SPOCK1: variants seen among roughly 807,000 people sequenced by gnomAD.
SPOCK1 encodes the protein SPARC (osteonectin), cwcv and kazal like domains proteoglycan 1.
In SPOCK1, 23 loss-of-function variants were observed where a neutral mutation model predicts 55.3. The ratio of observed to expected loss-of-function variants is 0.42; its 90% CI spans 0.30 to 0.59. SPOCK1 has a LOEUF of 0.59. Ranked by LOEUF, SPOCK1 falls within the 20% of genes least tolerant of loss-of-function variation. The pLI is 0.22. For missense variants in SPOCK1, 499 were observed against 552.5 expected (o/e 0.90, Z 0.97); for synonymous variants, 226 against 221.0 (o/e 1.02, Z -0.20).
intron 2 of SPOCK1, among the ~76,000 whole-genome samples, 192 bp from the exon 3 acceptor site, chr5:137,267,247 A>G (rs1315784975): frequency 6.6e-6 from 1 of 152,248 alleles, no homozygotes; most frequent in Non-Finnish European, 1.5e-5. Context: ...CTGTCTTTCA[A>G]ACCGTATGTA....
At chr5:137,245,788 A>AAC (rs1554072141) in intron 3 of SPOCK1, among the ~76,000 whole-genome samples, 2 of 96,048 alleles carry the variant, frequency 2.1e-5, no homozygotes, top group Admixed American at 9.7e-5. Context: ...AAAAAAAAAC[A>AAC]AAAAAAAAAA....
intron 5 of SPOCK1, among the ~76,000 whole-genome samples, chr5:137,095,650 G>A (rs2127021932): frequency 1.3e-5 from 2 of 152,344 alleles, no homozygotes; most frequent in Middle Eastern, 6.8e-3. Flanking sequence ...AGGCCCACCA[G>A]CACTGCTCCT....
chr5:137,379,874 C>G (rs1751422014), intron 2 of SPOCK1, among the ~76,000 whole-genome samples: 1 of 152,172 alleles, frequency 6.6e-6, no homozygotes, highest in Non-Finnish European at 1.5e-5. Context: ...GTCATTCAGA[C>G]CTTAGGGGTG....
At chr5:137,111,514 C>A (rs958473147) in intron 5 of SPOCK1, among the ~76,000 whole-genome samples, 1 of 152,128 alleles carries the variant, frequency 6.6e-6, no homozygotes, top group African/African-American at 2.4e-5. Flanking sequence ...GTTAGTCTAG[C>A]AATGTTAGAT....
chr5:137,362,162 C>T (rs967375042), intron 2 of SPOCK1, among the ~76,000 whole-genome samples: 1 of 152,148 alleles, frequency 6.6e-6, no homozygotes, highest in Non-Finnish European at 1.5e-5. Flanking sequence ...GTTCATCAAG[C>T]ATTGAGAAGT....
At chr5:137,284,361 C>T (rs1404077932) in intron 2 of SPOCK1, among the ~76,000 whole-genome samples, 1 of 152,170 alleles carries the variant, frequency 6.6e-6, no homozygotes, top group Non-Finnish European at 1.5e-5. Context: ...ATCAAAGCTG[C>T]TACATGGAGA....
intron 2 of SPOCK1, among the ~76,000 whole-genome samples, chr5:137,318,551 G>A (rs1048368398): frequency 1.3e-5 from 2 of 152,164 alleles, no homozygotes; most frequent in Admixed American, 6.5e-5. Context: ...TCCTCTCCCT[G>A]TAACTAGGGT....
chr5:137,012,875 G>A (rs1298206459), intron 6 of SPOCK1, among the ~76,000 whole-genome samples: 1 of 152,174 alleles, frequency 6.6e-6, no homozygotes, highest in Non-Finnish European at 1.5e-5. Flanking sequence ...TTAAGTTGTG[G>A]TTCACAAATA....
chr5:137,187,512 T>C (rs142684059), intron 3 of SPOCK1, among the ~76,000 whole-genome samples: 3 of 152,314 alleles, frequency 2.0e-5, no homozygotes, highest in East Asian at 1.9e-4. Context: ...TTCTCATCTA[T>C]AGCAAATACC....
At chr5:137,312,159 G>A (rs1210771293) in intron 2 of SPOCK1, among the ~76,000 whole-genome samples, 1 of 152,162 alleles carries the variant, frequency 6.6e-6, no homozygotes, top group East Asian at 1.9e-4. Context: ...ATAAATGCCT[G>A]GAAACCCCCT....
At chr5:137,203,969 G>A (rs145496274) in intron 3 of SPOCK1, among the ~76,000 whole-genome samples, 6 of 152,282 alleles carry the variant, frequency 3.9e-5, no homozygotes, top group African/African-American at 1.4e-4. Flanking sequence ...CCCTAAACGT[G>A]GAATGTTGGC....
intron 6 of SPOCK1, among the ~76,000 whole-genome samples, chr5:137,039,102 C>A (rs1167688024): frequency 6.6e-6 from 1 of 151,986 alleles, no homozygotes; most frequent in Admixed American, 6.6e-5. Flanking sequence ...TTATTTTGAT[C>A]ATTTCATTAA....
In SPOCK1 at chr5:137,440,325, A is replaced by G. The variant is rs140213888; in HGVS notation, c.186+58048T>C. ...TAGAGAAGAAAGGAAGGAAAGAGAA[A>G]AGACAAAGACAAAGGAAGAAGACAG... On this transcript the variant is annotated intron_variant, in intron 2 of 10. Coordinates refer to ENST00000394945, the MANE Select transcript of SPOCK1 (RefSeq NM_004598.4). Among the ~76,000 whole-genome samples, 149 of 152,272 alleles carry G rather than the reference A, an allele frequency of 9.8e-4. 3 individuals carry two copies. Among genetic ancestry groups the G allele is most frequent in the Middle Eastern group, 6.8e-3 (2 of 294 alleles).
intron 9 of SPOCK1, 71 bp downstream of exon 9, chr5:136,985,069 A>C: frequency 7.0e-7 from 1 of 1,427,914 alleles, no homozygotes; most frequent in Non-Finnish European, 9.9e-7. Flanking sequence ...AACCATTGCC[A>C]TGCTGATCAT....
chr5:137,316,058 A>T (rs1757875647), intron 2 of SPOCK1, among the ~76,000 whole-genome samples: 1 of 152,194 alleles, frequency 6.6e-6, no homozygotes. Context: ...TTTATAAAGG[A>T]CAGAAACTCA....
chr5:137,430,397 C>CT (rs774464139), intron 2 of SPOCK1, among the ~76,000 whole-genome samples: 1 of 152,164 alleles, frequency 6.6e-6, no homozygotes, highest in Non-Finnish European at 1.5e-5. Flanking sequence ...GTCCTGGAAG[C>CT]TTTTCTACCA....
At chr5:137,187,669 G>C (rs530435865) in intron 3 of SPOCK1, among the ~76,000 whole-genome samples, 1 of 152,142 alleles carries the variant, frequency 6.6e-6, no homozygotes, top group Admixed American at 6.5e-5. Flanking sequence ...ACAACGGTAC[G>C]CTCACTCTAG....
chr5:137,384,933 G>T (rs1751567403), intron 2 of SPOCK1, among the ~76,000 whole-genome samples: 1 of 152,098 alleles, frequency 6.6e-6, no homozygotes, highest in Non-Finnish European at 1.5e-5. Context: ...TGGGGATTAT[G>T]ACTTGACCAT....
intron 6 of SPOCK1, among the ~76,000 whole-genome samples, chr5:137,026,439 T>C (rs907972614): frequency 1.2e-4 from 19 of 152,184 alleles, no homozygotes; most frequent in African/African-American, 4.6e-4. Context: ...TGACCTCCCC[T>C]GAAAAAGAGG....
Sources: allele counts gnomAD v4.1 joint callset (sites outside exome capture counted in the v4.1 genomes callset), GRCh38; gene constraint gnomAD v4.1.1; transcripts MANE v1.5; gene names NCBI Gene and HGNC (gene_info 2026-07-23, HGNC 2026-07-21).